The following CLVS1 variants were observed in gnomAD, a reference collection of about 807,000 sequenced individuals.
CLVS1 encodes the protein clavesin-1.
CLVS1 carries 10 observed loss-of-function variants against 33.1 expected under a neutral mutation model. The observed-to-expected ratio is 0.30, with a 90% CI of 0.19 to 0.51. The LOEUF is 0.51. Among genes scored for constraint, CLVS1 ranks in the 20% least tolerant of loss-of-function variants. The pLI is 0.97. For synonymous variants in CLVS1, 163 were observed against 166.1 expected, an observed-to-expected ratio of 0.98 and a Z score of 0.14; for missense variants, 343 against 433.4, an observed-to-expected ratio of 0.79 and a Z score of 1.85.
intron 2 of CLVS1, among the ~76,000 whole-genome samples, chr8:61,226,855 A>G (rs1808341057): frequency 6.6e-6 from 1 of 152,196 alleles, no homozygotes; most frequent in Non-Finnish European, 1.5e-5. Flanking sequence ...GGATCTAAAG[A>G]GGATGGTGCA....
chr8:60,967,235 T>C, the CLVS1 span, among the ~76,000 whole-genome samples: 1 of 152,148 alleles, frequency 6.6e-6, no homozygotes, highest in Non-Finnish European at 1.5e-5. Context: ...CTTGTTACCA[T>C]GCAGATTGGA....
intron 2 of CLVS1, among the ~76,000 whole-genome samples, chr8:61,351,237 A>G (rs1202008073): frequency 6.6e-6 from 1 of 151,932 alleles, no homozygotes; most frequent in Non-Finnish European, 1.5e-5. Flanking sequence ...GTTATAAAAA[A>G]GAACCAAGTG....
chr8:61,154,535 C>A (rs1456522867), intron 2 of CLVS1, among the ~76,000 whole-genome samples: 4 of 152,096 alleles, frequency 2.6e-5, no homozygotes, highest in Non-Finnish European at 5.9e-5. Flanking sequence ...ATAAACAAAA[C>A]CCAAAGCAAC....
At chr8:61,315,332 T>A (rs1248563814) in intron 2 of CLVS1, among the ~76,000 whole-genome samples, 1 of 152,164 alleles carries the variant, frequency 6.6e-6, no homozygotes, top group Non-Finnish European at 1.5e-5. Context: ...GGGGGAGAGA[T>A]AAAGTAACCT....
intron 3 of CLVS1, among the ~76,000 whole-genome samples, chr8:61,389,310 C>T (rs1563531059): frequency 1.3e-5 from 2 of 152,072 alleles, no homozygotes; most frequent in African/African-American, 4.8e-5. Context: ...GAGGCCGAGG[C>T]GGGTGGGTCA....
chr8:60,992,234 A>G, the CLVS1 span, among the ~76,000 whole-genome samples: 5 of 151,960 alleles, frequency 3.3e-5, no homozygotes, highest in African/African-American at 7.3e-5. Flanking sequence ...TATATTTTTT[A>G]CTCATCTGTA....
At chr8:61,270,225 G>T (rs1248879494) in intron 2 of CLVS1, among the ~76,000 whole-genome samples, 1 of 152,216 alleles carries the variant, frequency 6.6e-6, no homozygotes, top group East Asian at 1.9e-4. Flanking sequence ...TAGCATGAAG[G>T]GTTGTTGAAT....
intron 1 of CLVS1, among the ~76,000 whole-genome samples, chr8:61,099,910 A>G (rs187379205): frequency 5.1e-4 from 78 of 152,362 alleles, no homozygotes; most frequent in Middle Eastern, 3.4e-3. Flanking sequence ...ATAATCGGAT[A>G]TATAGTTACA....
chr8:61,273,535 A>G (rs1211034456), intron 2 of CLVS1, among the ~76,000 whole-genome samples: 3 of 152,222 alleles, frequency 2.0e-5, no homozygotes, highest in Non-Finnish European at 2.9e-5. Flanking sequence ...GGAGCTTCCC[A>G]GCTGCTTTGT....
the CLVS1 span, among the ~76,000 whole-genome samples, chr8:60,986,294 G>GTTA: frequency 6.6e-6 from 1 of 152,208 alleles, no homozygotes; most frequent in Admixed American, 6.5e-5. Flanking sequence ...ACCTTGAGTA[G>GTTA]TTATCTCCAA....
chr8:61,171,804 G>T (rs369025937), intron 2 of CLVS1, among the ~76,000 whole-genome samples: 2 of 152,148 alleles, frequency 1.3e-5, no homozygotes, highest in South Asian at 2.1e-4. Flanking sequence ...CTAAAAACAG[G>T]CACCACATGA....
intron 3 of CLVS1, among the ~76,000 whole-genome samples, chr8:61,380,549 T>C (rs915199053): frequency 6.6e-6 from 1 of 152,172 alleles, no homozygotes; most frequent in Non-Finnish European, 1.5e-5. Flanking sequence ...GTTCAAAAAA[T>C]CTTAGTCAAA....
rs1356117563 is a variant in CLVS1, at chr8:61,370,187, GT to G, written c.456-6411del. The stretch of plus-strand genomic sequence containing the variant: ...GTTTAAAGACAGAACTGGGCAAAGA[GT>G]TTTTTTATAAAAAAAATTTTATTTT... On this transcript the variant is annotated intron_variant, in intron 2 of 5. Coordinates refer to ENST00000325897, the MANE Select transcript of CLVS1 (RefSeq NM_173519.3). Among the ~76,000 whole-genome samples the G allele has an allele frequency of 4.6e-5, 5 of 108,414 alleles. No homozygotes were observed. In the East Asian group the frequency reaches 1.4e-3, roughly 30 times the overall value. 71.1% of individuals were successfully genotyped at this position (108,414 alleles called of 152,430 possible). A position where few individuals can be genotyped will look rare whatever the true frequency, so the allele number is the denominator to read the frequency against.
intron 2 of CLVS1, among the ~76,000 whole-genome samples, chr8:61,149,565 A>AAAAAAAAAAAAAAAAAAAAAAAG (rs1806485547): frequency 6.7e-6 from 1 of 149,580 alleles, no homozygotes; most frequent in Non-Finnish European, 1.5e-5. Context: ...AAAAAAAAAA[A>AAAAAAAAAAAAAAAAAAAAAAAG]AAACAAAAAA....
rs540662934 is a variant in CLVS1, at chr8:61,101,179, G to A, written c.-242-30591G>A. ...GAAGAACTGCAAGACTTTTTCTAAA[G>A]TGACTGCACTATTTTATATTCTCAC... On this transcript the variant is annotated intron_variant, in intron 1 of 2. Transcript: ENST00000522621. 4.6e-5 allele frequency among the ~76,000 whole-genome samples: 7 copies of A among 152,284 alleles called. No homozygotes were observed. In the South Asian group the frequency reaches 1.4e-3, roughly 32 times the overall value.
intron 1 of CLVS1, among the ~76,000 whole-genome samples, chr8:61,070,772 C>T (rs1290273883): frequency 6.6e-6 from 1 of 152,158 alleles, no homozygotes; most frequent in Non-Finnish European, 1.5e-5. Flanking sequence ...CCCAGGAGAT[C>T]AAGGCTACAG....
chr8:61,310,463 A>G (rs1810791805), intron 2 of CLVS1, among the ~76,000 whole-genome samples: 1 of 152,200 alleles, frequency 6.6e-6, no homozygotes, highest in South Asian at 2.1e-4. Flanking sequence ...CTTATCACTT[A>G]TCACTGGAAC....
At chr8:61,496,310 C>A (rs1034786051) in intron 5 of CLVS1, among the ~76,000 whole-genome samples, 1 of 152,076 alleles carries the variant, frequency 6.6e-6, no homozygotes, top group East Asian at 1.9e-4. Flanking sequence ...CCACAGGGTC[C>A]GTAGGTCAAA....
intron 2 of CLVS1, among the ~76,000 whole-genome samples, chr8:61,262,580 T>A (rs902082209): frequency 1.3e-5 from 2 of 152,160 alleles, no homozygotes; most frequent in Non-Finnish European, 2.9e-5. Context: ...AAAAGAGGAA[T>A]TGTACCACTT....
Sources: gnomAD v4.1 joint callset for allele counts (sites outside exome capture counted in the v4.1 genomes callset) on GRCh38, gnomAD v4.1.1 for gene constraint, MANE v1.5 for transcripts, NCBI Gene and HGNC (gene_info 2026-07-23, HGNC 2026-07-21) for gene names.